Variants in ANKRD28 observed in about 807,000 individuals in gnomAD.
ANKRD28 encodes ankyrin repeat domain 28, also known as serine/threonine-protein phosphatase 6 regulatory ankyrin repeat subunit A.
In ANKRD28, 44 loss-of-function variants were observed where a neutral mutation model predicts 126.5. The observed-to-expected ratio is 0.35, with a 90% CI of 0.27 to 0.45. The LOEUF (loss-of-function observed/expected upper bound fraction) is 0.45. ANKRD28 is among the 20% of genes least tolerant of loss of function. ANKRD28 has a pLI of 1.00. For synonymous variants in ANKRD28, 442 were observed against 468.5 expected (o/e 0.94, Z 0.73); for missense variants, 1,110 against 1,316.6 (o/e 0.84, Z 2.43).
intron 3 of ANKRD28, chr3:15,756,574 G>GGA: frequency 1.1e-6 from 1 of 897,296 alleles, no homozygotes; most frequent in Non-Finnish European, 1.3e-6. Flanking sequence ...AAGGAACACT[G>GGA]GAGCAGGAGA....
At chr3:15,795,087 C>T in intron 2 of ANKRD28, 136 bp downstream of exon 2, 1 of 640,120 alleles carries the variant, frequency 1.6e-6, no homozygotes. Context: ...TTCCCTTTTG[C>T]CTCAATACCT....
intron 17 of ANKRD28, among the ~76,000 whole-genome samples, chr3:15,692,152 A>AT (rs1335523259): frequency 1.3e-5 from 2 of 151,080 alleles, no homozygotes; most frequent in Non-Finnish European, 3.0e-5. Context: ...AATAAAAAAA[A>AT]AAAAAAAAAA....
rs1201014887 is a variant in ANKRD28, at chr3:15,685,355, G to A, written c.2260C>T (p.His754Tyr). 3.7e-6 allele frequency: 6 copies of A among 1,614,000 alleles called. No individual in the cohort carries two copies. The highest frequency in any genetic ancestry group is 5.1e-6 in the Non-Finnish European group (6 of 1,179,866). The change falls in exon 21 of 28, where the codon CAC becomes TAC. Residue 754 changes from histidine to tyrosine, a missense_variant. Physicochemically the swap from His to Tyr is moderately conservative, Grantham distance 83 (BLOSUM62 2). Transcript: ENST00000683139. ...ATGTGTCCACAGGCAGCAGACAGGTGTATAGGCGTCCGGCCCCTGCTATCC... is the reference window on the plus strand; with the variant it reads ...ATGTGTCCACAGGCAGCAGACAGGTATATAGGCGTCCGGCCCCTGCTATCC... ...LRDSRGRTPI[H>Y]LSAACGHIGV... is the part of the protein sequence containing the mutation.
intron 3 of ANKRD28, among the ~76,000 whole-genome samples, chr3:15,754,085 C>T (rs907573564): frequency 1.3e-5 from 2 of 152,186 alleles, no homozygotes; most frequent in Non-Finnish European, 2.9e-5. Flanking sequence ...TTATTTTTAT[C>T]TTATCACACA....
chr3:15,731,491 A>C (rs940180947), intron 6 of ANKRD28, among the ~76,000 whole-genome samples: 1 of 152,196 alleles, frequency 6.6e-6, no homozygotes, highest in South Asian at 2.1e-4. Flanking sequence ...GGCTGTGAGA[A>C]AGGGACCTTA....
chr3:15,750,636 A>C (rs1443013400), intron 4 of ANKRD28, among the ~76,000 whole-genome samples: 2 of 152,164 alleles, frequency 1.3e-5, no homozygotes, highest in African/African-American at 4.8e-5. Flanking sequence ...CTTCTCAGTC[A>C]CATTTCACCT....
chr3:15,801,539 T>C (rs976574310), upstream of ANKRD28, among the ~76,000 whole-genome samples: 1 of 152,182 alleles, frequency 6.6e-6, no homozygotes, highest in African/African-American at 2.4e-5. The surrounding 1 kb of genome is among the most constrained non-coding windows in gnomAD (Gnocchi z 4.9). Flanking sequence ...TCAAACAATG[T>C]TATAGAAAAC....
intron 3 of ANKRD28, among the ~76,000 whole-genome samples, chr3:15,760,151 T>C (rs554705652): frequency 6.6e-6 from 1 of 152,012 alleles, no homozygotes; most frequent in Non-Finnish European, 1.5e-5. Flanking sequence ...TGAGAACATA[T>C]GGACACACAG....
In ANKRD28 at chr3:15,854,322, C is replaced by T. The variant is rs2061716131; in HGVS notation, c.27+5055G>A. ...ACTATCTCCTGATTATCCCATCCATCCTTCCTGGCTTGCCTTCACAGTTCC... is the reference window on the plus strand; with the variant it reads ...ACTATCTCCTGATTATCCCATCCATTCTTCCTGGCTTGCCTTCACAGTTCC... On this transcript the variant is annotated intron_variant, in intron 1 of 27. Transcript: ENST00000399451. The surrounding 1 kb of genome is among the most constrained non-coding windows in gnomAD (Gnocchi z 4.1). 6.6e-6 allele frequency among the ~76,000 whole-genome samples: 1 copy of T among 152,206 alleles called. No homozygotes were observed. Among genetic ancestry groups the T allele is most frequent in the Non-Finnish European group, 1.5e-5 (1 of 68,026 alleles).
rs187292022 is a variant in ANKRD28 at position 15,853,971 on chromosome 3, T to C, written c.27+5406A>G. On this transcript the variant is annotated intron_variant, in intron 1 of 27. Coordinates refer to the ANKRD28 transcript ENST00000399451. This position sits in a 1 kb window ranked among gnomAD's most constrained non-coding sequence, Gnocchi z 4.2. ...TGCCTAGTACTTAATGTTCTCGATC[T>C]GTACTAAAATATTTTACGTATGTTC... Among the ~76,000 whole-genome samples, 7 of 152,362 alleles carry C rather than the reference T, an allele frequency of 4.6e-5. No individual in the cohort carries two copies. In the East Asian group the frequency reaches 1.3e-3, roughly 29 times the overall value.
At chr3:15,713,930 G>A (rs529557865) in intron 9 of ANKRD28, among the ~76,000 whole-genome samples, 11 of 152,104 alleles carry the variant, frequency 7.2e-5, no homozygotes, top group Non-Finnish European at 1.5e-4. Flanking sequence ...AATTAAACAC[G>A]TTTCTTTAGA....
At chr3:15,751,499 T>G (rs1406812307) in intron 4 of ANKRD28, among the ~76,000 whole-genome samples, 1 of 152,078 alleles carries the variant, frequency 6.6e-6, no homozygotes, top group African/African-American at 2.4e-5. Flanking sequence ...GACAGAAAAA[T>G]GATTTCTCTT....
intron 18 of ANKRD28, among the ~76,000 whole-genome samples, chr3:15,688,536 T>C (rs1157366848): frequency 6.6e-6 from 1 of 152,250 alleles, no homozygotes; most frequent in East Asian, 1.9e-4. Context: ...TTAGAGGTTC[T>C]AATGTATTAT....
rs145177029 is a variant in ANKRD28 at position 15,843,450 on chromosome 3, C to T, written c.27+15927G>A. Among the ~76,000 whole-genome samples the T allele has an allele frequency of 3.4e-3, 517 of 152,046 alleles. 3 individuals carry two copies. Among genetic ancestry groups the T allele is most frequent in the African/African-American group, 0.012 (499 of 41,452 alleles). On this transcript the variant is annotated intron_variant, in intron 1 of 27. Transcript: ENST00000399451. The surrounding 1 kb of genome is among the most constrained non-coding windows in gnomAD (Gnocchi z 5.2). ...CATCAGAATCTTAATAGCGTCCATCCGGACACCAATATACAACAATATGTA... is the reference window on the plus strand; with the variant it reads ...CATCAGAATCTTAATAGCGTCCATCTGGACACCAATATACAACAATATGTA...
chr3:15,731,424 T>C (rs960782181), intron 6 of ANKRD28, among the ~76,000 whole-genome samples: 2 of 152,218 alleles, frequency 1.3e-5, no homozygotes, highest in African/African-American at 4.8e-5. Context: ...TGGTTGTTCC[T>C]GTCTTGAAGA....
intron 2 of ANKRD28, among the ~76,000 whole-genome samples, chr3:15,794,713 A>C (rs1312318625): frequency 1.3e-5 from 2 of 152,162 alleles, no homozygotes; most frequent in Non-Finnish European, 2.9e-5. Context: ...TGAAAACCTA[A>C]TCTGACAAAA....
intron 1 of ANKRD28, among the ~76,000 whole-genome samples, chr3:15,849,315 T>C (rs1264847057): frequency 2.6e-5 from 4 of 152,188 alleles, no homozygotes; most frequent in Non-Finnish European, 1.5e-5. Flanking sequence ...AATATGGGAA[T>C]GCAAGTGACC....
intron 1 of ANKRD28, among the ~76,000 whole-genome samples, chr3:15,803,802 A>T (rs1471470525): frequency 7.0e-6 from 1 of 143,848 alleles, no homozygotes; most frequent in African/African-American, 2.6e-5. Context: ...ACAATGAAGA[A>T]TGTTACTTGT....
chr3:15,741,194 A>G (rs1357339252), intron 4 of ANKRD28, among the ~76,000 whole-genome samples: 1 of 150,956 alleles, frequency 6.6e-6, no homozygotes, highest in African/African-American at 2.4e-5. Context: ...GCGAGACTCC[A>G]TCTCAAAAAA....
Sources: gnomAD v4.1 joint callset for allele counts (sites outside exome capture counted in the v4.1 genomes callset) on GRCh38, gnomAD v4.1.1 for gene constraint, Gnocchi (gnomAD v3.1) non-coding constraint, MANE v1.5 for transcripts, NCBI Gene and HGNC (gene_info 2026-07-23, HGNC 2026-07-21) for gene names.